SLC16A9: variants seen among roughly 807,000 people sequenced by gnomAD.
SLC16A9 encodes solute carrier family 16 member 9.
SLC16A9 carries 26 observed loss-of-function variants against 44.3 expected under a neutral mutation model. The observed-to-expected ratio is 0.59, with a 90% confidence interval of 0.43 to 0.81. The LOEUF (loss-of-function observed/expected upper bound fraction) is 0.81, where lower values mean the gene tolerates loss of function less well. Ranked by LOEUF, SLC16A9 falls within the 40% of genes least tolerant of loss-of-function variation. The probability of loss-of-function intolerance (pLI) is 0.00; values close to 1 mark genes in which losing one functional copy is unlikely to be tolerated. For synonymous variants in SLC16A9, 230 were observed against 225.1 expected, an observed-to-expected ratio of 1.02 and a Z score of -0.19; for missense variants, 559 against 595.8, an observed-to-expected ratio of 0.94 and a Z score of 0.64.
intron 1 of SLC16A9, among the ~76,000 whole-genome samples, chr10:59,706,699 G>A (rs1025597386): frequency 4.6e-5 from 7 of 151,522 alleles, no homozygotes; most frequent in South Asian, 2.1e-4. Context: ...TCAGTCAGGC[G>A]TGGTGGCTCA....
intron 2 of SLC16A9, among the ~76,000 whole-genome samples, chr10:59,679,146 C>G (rs1291148256): frequency 2.0e-5 from 3 of 151,724 alleles, no homozygotes; most frequent in African/African-American, 7.3e-5. Context: ...CAGACTAGAT[C>G]TCCGTGCTAT....
rs186545058 is a variant in SLC16A9 at position 59,703,159 on chromosome 10, G to T, written c.-37+6320C>A. 1.7e-3 allele frequency among the ~76,000 whole-genome samples: 263 copies of T among 152,282 alleles called. 7 individuals are homozygous for T. Among genetic ancestry groups the T allele is most frequent in the Admixed American group, 0.016 (239 of 15,308 alleles). On this transcript the variant is annotated intron_variant, in intron 1 of 5. Coordinates refer to ENST00000395348, the MANE Select transcript of SLC16A9 (RefSeq NM_194298.3). ...TTTTGAGACAGGTCCTTGCTGTGTT[G>T]CCAGGCTGGGGTGCAGTGGTGCAAT...
In SLC16A9 at chr10:59,687,585, C is replaced by T. The variant is rs60319410; in HGVS notation, c.-36-3258G>A. On this transcript the variant is annotated intron_variant, in intron 1 of 5. Transcript: ENST00000395348. ...TTTTGACTATGTTAGTCTATTTTGG[C>T]GGAGGAATTTTTTACTTCATAGGCA... is the stretch of plus-strand genomic sequence containing the variant. 8.3e-3 allele frequency among the ~76,000 whole-genome samples: 1,265 copies of T among 152,134 alleles called. 26 individuals carry two copies. Among genetic ancestry groups the T allele is most frequent in the African/African-American group, 0.029 (1,217 of 41,486 alleles).
At chr10:59,683,286 T>C (rs1840062770) in intron 2 of SLC16A9, among the ~76,000 whole-genome samples, 1 of 152,172 alleles carries the variant, frequency 6.6e-6, no homozygotes, top group Non-Finnish European at 1.5e-5. Flanking sequence ...GGTCACTAAA[T>C]ATTACTGCAG....
intron 3 of SLC16A9, among the ~76,000 whole-genome samples, chr10:59,666,562 A>G (rs1324945587): frequency 6.6e-6 from 1 of 152,188 alleles, no homozygotes; most frequent in Non-Finnish European, 1.5e-5. Flanking sequence ...AAACTAAGGT[A>G]TTCCTAAGGA....
chr10:59,686,945 C>T (rs1171654), intron 1 of SLC16A9, among the ~76,000 whole-genome samples: 152,303 of 152,364 alleles, frequency 1, 76,122 homozygotes, highest in Non-Finnish European at 1. Context: ...TTCGCTCTTG[C>T]TGCCCAGGCT....
chr10:59,678,546 C>CTTTTTTTTCTTTTTTTTTTTTTTTTTT (rs751112027), intron 2 of SLC16A9, among the ~76,000 whole-genome samples: 1 of 30,594 alleles, frequency 3.3e-5, no homozygotes, highest in African/African-American at 8.9e-5. Context: ...TTTTCTTTTT[C>CTTTTTTTTCTTTTTTTTTTTTTTTTTT]TTTTTTTTGA....
At chr10:59,705,903 GTC>G (rs1840626832) in intron 1 of SLC16A9, among the ~76,000 whole-genome samples, 1 of 152,142 alleles carries the variant, frequency 6.6e-6, no homozygotes, top group South Asian at 2.1e-4. Context: ...ACATGTCATA[GTC>G]TCTATAATCT....
intron 1 of SLC16A9, among the ~76,000 whole-genome samples, chr10:59,697,206 C>G (rs1840412439): frequency 6.6e-6 from 1 of 151,074 alleles, no homozygotes; most frequent in South Asian, 2.1e-4. Flanking sequence ...GCCCCTCTGC[C>G]CGGCCACCAC....
chr10:59,655,770 G>GA (rs1032918101), intron 4 of SLC16A9, among the ~76,000 whole-genome samples: 2 of 151,934 alleles, frequency 1.3e-5, no homozygotes, highest in African/African-American at 2.4e-5. Context: ...GAAAAATCAG[G>GA]AAAAAAATAG....
At chr10:59,658,198 C>A (rs1038373310) in intron 4 of SLC16A9, among the ~76,000 whole-genome samples, 1 of 151,686 alleles carries the variant, frequency 6.6e-6, no homozygotes, top group Admixed American at 6.6e-5. Flanking sequence ...CTTGAATCCA[C>A]CTACAACCTG....
At chr10:59,702,939 G>C (rs1048503434) in intron 1 of SLC16A9, among the ~76,000 whole-genome samples, 1 of 152,146 alleles carries the variant, frequency 6.6e-6, no homozygotes, top group African/African-American at 2.4e-5. Flanking sequence ...TGCTTTGTCT[G>C]AACACCATCA....
chr10:59,664,415 C>T (rs1265343811), intron 3 of SLC16A9, 93 bp from the exon 4 acceptor site: 18 of 752,774 alleles, frequency 2.4e-5, no homozygotes, highest in Non-Finnish European at 3.5e-5. Flanking sequence ...TAAGACATTC[C>T]ATTACTCACT....
intron 3 of SLC16A9, among the ~76,000 whole-genome samples, chr10:59,670,232 T>C (rs1251309051): frequency 1.3e-5 from 2 of 152,180 alleles, no homozygotes; most frequent in Non-Finnish European, 2.9e-5. Context: ...TTTATAAACA[T>C]TATCTCATGA....
At chr10:59,680,513 C>T (rs887728401) in intron 2 of SLC16A9, among the ~76,000 whole-genome samples, 2 of 152,168 alleles carry the variant, frequency 1.3e-5, no homozygotes, top group Non-Finnish European at 2.9e-5. Flanking sequence ...TCATAATTTA[C>T]ACGGCATGAG....
chr10:59,659,428 A>G, intron 4 of SLC16A9, among the ~76,000 whole-genome samples: 1 of 152,152 alleles, frequency 6.6e-6, no homozygotes, highest in Non-Finnish European at 1.5e-5. Flanking sequence ...GCATTATATA[A>G]TGGTAAAGGG....
intron 2 of SLC16A9, among the ~76,000 whole-genome samples, chr10:59,676,395 T>C (rs1388951133): frequency 6.6e-6 from 1 of 152,190 alleles, no homozygotes; most frequent in African/African-American, 2.4e-5. Context: ...CCATCTATTA[T>C]TCCTCAGCAC....
At chr10:59,703,282 C>T (rs1433566994) in intron 1 of SLC16A9, among the ~76,000 whole-genome samples, 5 of 152,120 alleles carry the variant, frequency 3.3e-5, no homozygotes, top group African/African-American at 1.2e-4. Flanking sequence ...CCACTATGAC[C>T]GCTAATTTTT....
intron 3 of SLC16A9, among the ~76,000 whole-genome samples, chr10:59,666,363 A>G (rs889955330): frequency 2.6e-5 from 4 of 152,064 alleles, no homozygotes; most frequent in Non-Finnish European, 5.9e-5. Flanking sequence ...CTGCATCAGG[A>G]CAACCTTAAA....
Sources: allele counts gnomAD v4.1 joint callset (sites outside exome capture counted in the v4.1 genomes callset), GRCh38; gene constraint gnomAD v4.1.1; transcripts MANE v1.5; gene names NCBI Gene and HGNC (gene_info 2026-07-23, HGNC 2026-07-21).